Variants in BBS9 observed in about 807,000 individuals in gnomAD.
The protein encoded by BBS9 is protein PTHB1.
A neutral mutation model predicts 117.7 loss-of-function variants in BBS9; 89 were observed. The observed-to-expected ratio is 0.76, with a 90% CI of 0.64 to 0.90. BBS9 has a LOEUF of 0.90. Ranked by LOEUF, BBS9 falls within the 40% of genes least tolerant of loss-of-function variation. The probability of loss-of-function intolerance (pLI) is 0.00; values close to 1 mark genes in which losing one functional copy is unlikely to be tolerated. For synonymous variants in BBS9, 379 were observed against 370.9 expected, an observed-to-expected ratio of 1.02 and a Z score of -0.25; for missense variants, 982 against 1,042.2, an observed-to-expected ratio of 0.94 and a Z score of 0.80.
At chr7:33,219,826 C>G (rs1390319934) in intron 5 of BBS9, among the ~76,000 whole-genome samples, 1 of 152,174 alleles carries the variant, frequency 6.6e-6, no homozygotes, top group Admixed American at 6.5e-5. Flanking sequence ...CTGGGGTCCC[C>G]TTCCACACTG....
intron 21 of BBS9, among the ~76,000 whole-genome samples, chr7:33,575,052 G>A (rs1858557111): frequency 1.3e-5 from 2 of 152,000 alleles, no homozygotes; most frequent in East Asian, 1.9e-4. Flanking sequence ...ACTTGAACAG[G>A]TCTGGTGATA....
At chr7:33,157,783 C>A (rs780715530) in intron 4 of BBS9, 1 of 152,172 alleles carries the variant, frequency 6.6e-6, no homozygotes, top group East Asian at 1.9e-4. Context: ...TACCTAACAA[C>A]CCTTAATAGT....
chr7:33,393,794 C>T (rs1466557084), intron 19 of BBS9, among the ~76,000 whole-genome samples: 1 of 152,102 alleles, frequency 6.6e-6, no homozygotes, highest in East Asian at 1.9e-4. Flanking sequence ...TGCAGTTAGC[C>T]CTCTCTTGGC....
At chr7:33,613,383 AGT>A (rs1383490145) in intron 21 of BBS9, among the ~76,000 whole-genome samples, 4 of 152,136 alleles carry the variant, frequency 2.6e-5, no homozygotes, top group Non-Finnish European at 4.4e-5. Flanking sequence ...AAATTCCTGT[AGT>A]GCTCTTTTAC....
intron 20 of BBS9, among the ~76,000 whole-genome samples, chr7:33,517,105 C>T (rs1375567328): frequency 6.6e-6 from 1 of 152,202 alleles, no homozygotes; most frequent in Non-Finnish European, 1.5e-5. Context: ...GTGAACTTCA[C>T]TAACTAGATT....
intron 19 of BBS9, among the ~76,000 whole-genome samples, chr7:33,400,396 G>A (rs936906457): frequency 1.3e-5 from 2 of 152,002 alleles, no homozygotes; most frequent in Admixed American, 6.6e-5. Context: ...AATTGTATGA[G>A]GATTTCTTTC....
chr7:33,473,352 C>A (rs1841349144), intron 19 of BBS9, among the ~76,000 whole-genome samples: 1 of 137,998 alleles, frequency 7.2e-6, no homozygotes, highest in Non-Finnish European at 1.6e-5. Flanking sequence ...GAGGCAGAGT[C>A]TTGCTCTGTC....
At chr7:33,559,836 C>T (rs1855829541) in intron 21 of BBS9, among the ~76,000 whole-genome samples, 1 of 152,082 alleles carries the variant, frequency 6.6e-6, no homozygotes, top group Non-Finnish European at 1.5e-5. Context: ...ATTATGCTGC[C>T]ATCATTCTCA....
At chr7:33,634,141 C>A (rs1248806337) in intron 21 of BBS9, among the ~76,000 whole-genome samples, 1 of 152,250 alleles carries the variant, frequency 6.6e-6, no homozygotes, top group Non-Finnish European at 1.5e-5. Context: ...TGGAAACCTG[C>A]AGACTCCCTG....
intron 7 of BBS9, 106 bp from the exon 8 acceptor site, chr7:33,272,906 A>G (rs1800066360): frequency 9.1e-7 from 1 of 1,103,606 alleles, no homozygotes; most frequent in Non-Finnish European, 1.4e-6. Context: ...GCCCATCTTT[A>G]TATTTCTGCT....
intron 5 of BBS9, among the ~76,000 whole-genome samples, chr7:33,222,459 A>G (rs893350667): frequency 6.6e-6 from 1 of 152,142 alleles, no homozygotes; most frequent in African/African-American, 2.4e-5. Flanking sequence ...CTTCATCACC[A>G]TTCCTACCAT....
intron 21 of BBS9, among the ~76,000 whole-genome samples, chr7:33,580,496 T>G (rs941997509): frequency 7.9e-6 from 1 of 125,984 alleles, no homozygotes; most frequent in African/African-American, 4.7e-5. Context: ...CTTATTTGTA[T>G]GCAAAACAAT....
At chr7:33,136,982 T>G (rs1790579865) in intron 1 of BBS9, among the ~76,000 whole-genome samples, 1 of 152,188 alleles carries the variant, frequency 6.6e-6, no homozygotes, top group African/African-American at 2.4e-5. Context: ...GATTACTAAT[T>G]CAATTTCTTT....
At chr7:33,613,859 G>T (rs1445611584) in intron 21 of BBS9, among the ~76,000 whole-genome samples, 2 of 151,996 alleles carry the variant, frequency 1.3e-5, no homozygotes, top group Admixed American at 6.6e-5. Flanking sequence ...TAACACCAAG[G>T]CTTGGACTTC....
chr7:33,205,218 A>G (rs1310987185), intron 5 of BBS9, among the ~76,000 whole-genome samples: 1 of 152,170 alleles, frequency 6.6e-6, no homozygotes, highest in Non-Finnish European at 1.5e-5. Context: ...AATTTAGTAG[A>G]ACCATGGCTG....
At chr7:33,268,664 G>A (rs762374309) in intron 7 of BBS9, among the ~76,000 whole-genome samples, 3 of 151,942 alleles carry the variant, frequency 2.0e-5, no homozygotes, top group Admixed American at 6.6e-5. Flanking sequence ...ATTGTTCTTA[G>A]CAAATTTCTG....
chr7:33,218,358 C>A (rs747976834), intron 5 of BBS9, among the ~76,000 whole-genome samples: 2 of 152,222 alleles, frequency 1.3e-5, no homozygotes, highest in African/African-American at 4.8e-5. Flanking sequence ...GGTCCATAGT[C>A]TTAGCCTTGG....
intron 5 of BBS9, among the ~76,000 whole-genome samples, chr7:33,200,358 C>T (rs1344086446): frequency 1.3e-5 from 2 of 152,116 alleles, no homozygotes; most frequent in Admixed American, 6.5e-5. Context: ...TTTATTCTTA[C>T]ATTGTCCAAG....
At chr7:33,158,004 C>A (rs1794337088) in intron 4 of BBS9, among the ~76,000 whole-genome samples, 2 of 152,096 alleles carry the variant, frequency 1.3e-5, no homozygotes, top group South Asian at 4.1e-4. Context: ...GTGAGCCGTA[C>A]TGATTATGTT....
Sources: allele counts gnomAD v4.1 joint callset (sites outside exome capture counted in the v4.1 genomes callset), GRCh38; gene constraint gnomAD v4.1.1; transcripts MANE v1.5; gene names NCBI Gene and HGNC (gene_info 2026-07-23, HGNC 2026-07-21).